SPON1: variants seen among roughly 807,000 people sequenced by gnomAD.
SPON1 encodes the protein spondin 1.
In SPON1, 52 loss-of-function variants were observed where a neutral mutation model predicts 111.7. The ratio of observed to expected loss-of-function variants is 0.47; its 90% CI spans 0.37 to 0.59. The LOEUF is 0.59. SPON1 is among the 20% of genes least tolerant of loss of function. The pLI is 0.00. For missense variants in SPON1, 957 were observed against 1,068.5 expected (o/e 0.90, Z 1.46); for synonymous variants, 410 against 395.8 (o/e 1.04, Z -0.43).
At chr11:13,973,163 C>T (rs1312826041) in intron 1 of SPON1, among the ~76,000 whole-genome samples, 2 of 152,222 alleles carry the variant, frequency 1.3e-5, no homozygotes, top group Non-Finnish European at 1.5e-5. Flanking sequence ...AGAAAAGCCC[C>T]TTTCCTTCTA....
chr11:14,197,930 G>T (rs1368698047), intron 6 of SPON1, among the ~76,000 whole-genome samples: 1 of 152,164 alleles, frequency 6.6e-6, no homozygotes, highest in Non-Finnish European at 1.5e-5. Context: ...TCTGCTTGTG[G>T]CTTTGTTCGT....
At chr11:14,154,657 T>G (rs1315131739) in intron 6 of SPON1, among the ~76,000 whole-genome samples, 2 of 152,222 alleles carry the variant, frequency 1.3e-5, no homozygotes, top group Non-Finnish European at 2.9e-5. Context: ...AACATTTGGC[T>G]TCTCTTTACT....
At chr11:14,241,106 T>C (rs1241144840) in intron 6 of SPON1, among the ~76,000 whole-genome samples, 4 of 152,030 alleles carry the variant, frequency 2.6e-5, no homozygotes, top group Non-Finnish European at 5.9e-5. Flanking sequence ...TACATGTGCA[T>C]CGTAGAAGAT....
chr11:14,173,499 C>T (rs1458612954), intron 6 of SPON1, among the ~76,000 whole-genome samples: 4 of 152,136 alleles, frequency 2.6e-5, no homozygotes, highest in East Asian at 1.9e-4. Context: ...AACTCGTCAA[C>T]ATCATTCTCT....
At chr11:14,151,640 ATTTTTTG>A in intron 6 of SPON1, among the ~76,000 whole-genome samples, 1 of 152,272 alleles carries the variant, frequency 6.6e-6, no homozygotes, top group African/African-American at 2.4e-5. Flanking sequence ...AACAGCTTAA[ATTTTTTG>A]TCTCAGAGAA....
At chr11:13,995,342 A>T (rs920536911) in intron 2 of SPON1, among the ~76,000 whole-genome samples, 20 of 152,170 alleles carry the variant, frequency 1.3e-4, no homozygotes, top group Non-Finnish European at 2.4e-4. Context: ...ACTACCTGAG[A>T]CTGGGTAGTT....
intron 6 of SPON1, among the ~76,000 whole-genome samples, chr11:14,159,798 C>G (rs10832221): frequency 0.39 from 59,438 of 151,040 alleles, 11,919 homozygotes; most frequent in East Asian, 0.55. Context: ...AGACAAACAT[C>G]ACATGTTCTC....
intron 6 of SPON1, among the ~76,000 whole-genome samples, chr11:14,223,702 G>A (rs1420741929): frequency 6.6e-6 from 1 of 151,958 alleles, no homozygotes; most frequent in Non-Finnish European, 1.5e-5. Flanking sequence ...CCACCCTCAC[G>A]CCCTCCCCTT....
intron 6 of SPON1, among the ~76,000 whole-genome samples, chr11:14,194,143 T>C (rs1848375888): frequency 6.6e-6 from 1 of 152,174 alleles, no homozygotes; most frequent in Non-Finnish European, 1.5e-5. Flanking sequence ...GGATAAAACT[T>C]CACCCTTCCT....
At chr11:14,025,434 C>T (rs1848510521) in intron 2 of SPON1, among the ~76,000 whole-genome samples, 1 of 152,236 alleles carries the variant, frequency 6.6e-6, no homozygotes, top group African/African-American at 2.4e-5. Context: ...CCAGCCCCTG[C>T]TTTCAGATAT....
intron 6 of SPON1, among the ~76,000 whole-genome samples, chr11:14,218,024 T>C (rs1848643221): frequency 6.6e-6 from 1 of 152,174 alleles, no homozygotes; most frequent in African/African-American, 2.4e-5. Flanking sequence ...TCCTGGTGAT[T>C]CTGATACACA....
At chr11:14,207,171 T>C (rs7947464) in intron 6 of SPON1, among the ~76,000 whole-genome samples, 54,706 of 152,054 alleles carry the variant, frequency 0.36, 10,013 homozygotes, top group Admixed American at 0.44. Context: ...GCTAGGATAA[T>C]TGGATAGCCA....
chr11:14,197,516 TAAATAAAC>T (rs1411135387), intron 6 of SPON1, among the ~76,000 whole-genome samples: 1 of 150,616 alleles, frequency 6.6e-6, no homozygotes, highest in Non-Finnish European at 1.5e-5. Context: ...AATAAATAAA[TAAATAAAC>T]AAGTGGGGGC....
At chr11:14,128,578 C>G (rs1847490131) in intron 5 of SPON1, among the ~76,000 whole-genome samples, 2 of 152,332 alleles carry the variant, frequency 1.3e-5, no homozygotes, top group Admixed American at 1.3e-4. Flanking sequence ...TCCAGGTACA[C>G]AGTGCAAGCT....
At chr11:14,146,206 G>C (rs564533899) in intron 6 of SPON1, among the ~76,000 whole-genome samples, 1 of 149,530 alleles carries the variant, frequency 6.7e-6, no homozygotes, top group Admixed American at 6.7e-5. Flanking sequence ...CTGGAGTGCA[G>C]TGGCACCGTG....
intron 5 of SPON1, among the ~76,000 whole-genome samples, chr11:14,085,098 T>C (rs1554922445): frequency 1.3e-5 from 2 of 152,208 alleles, no homozygotes; most frequent in Non-Finnish European, 2.9e-5. Flanking sequence ...GTAGGTTGCC[T>C]GTTCGCTGTG....
intron 10 of SPON1, among the ~76,000 whole-genome samples, chr11:14,257,201 A>G (rs1849118646): frequency 6.6e-6 from 1 of 152,198 alleles, no homozygotes; most frequent in African/African-American, 2.4e-5. Flanking sequence ...TCAACAGTCA[A>G]ATGGGGATAA....
chr11:14,107,590 G>GAAAAAAAAAAAAAAAA (rs3047369), intron 5 of SPON1, among the ~76,000 whole-genome samples: 1 of 119,266 alleles, frequency 8.4e-6, no homozygotes. Flanking sequence ...AGATCCTCAG[G>GAAAAAAAAAAAAAAAA]AAAAAAAAAA....
intron 6 of SPON1, among the ~76,000 whole-genome samples, chr11:14,227,663 A>G (rs989835248): frequency 6.6e-6 from 1 of 152,162 alleles, no homozygotes; most frequent in Non-Finnish European, 1.5e-5. Context: ...CTTTGAAATC[A>G]TTCTACATTT....
Sources: allele counts gnomAD v4.1 joint callset (sites outside exome capture counted in the v4.1 genomes callset), GRCh38; gene constraint gnomAD v4.1.1; transcripts MANE v1.5; gene names NCBI Gene and HGNC (gene_info 2026-07-23, HGNC 2026-07-21).